CRIP2: variants seen among roughly 807,000 people sequenced by gnomAD.
The protein encoded by CRIP2 is cysteine-rich protein 2.
A neutral mutation model predicts 31.3 loss-of-function variants in CRIP2; 31 were observed. The observed-to-expected ratio is 0.99, with a 90% CI of 0.74 to 1.34. The LOEUF (loss-of-function observed/expected upper bound fraction) is 1.34, where lower values mean the gene tolerates loss of function less well. Among genes scored for constraint, CRIP2 ranks in the 40% most tolerant of loss-of-function variants. The pLI, the probability that CRIP2 is intolerant of heterozygous loss-of-function variation, is 0.00. For missense variants in CRIP2, 389 were observed against 301.6 expected (o/e 1.29, Z -2.15); for synonymous variants, 177 against 127.2 (o/e 1.39, Z -2.63).
Position 105,479,159 on chromosome 14 carries a change from C to A in CRIP2, c.441C>A (p.His147Gln), listed in dbSNP as rs782778280. 1 of 1,611,836 alleles carries A rather than the reference C, an allele frequency of 6.2e-7. No individual in the cohort carries two copies. Among genetic ancestry groups the A allele is most frequent in the South Asian group, 1.1e-5 (1 of 91,072 alleles). The change falls in exon 6 of 8, where the codon CAC (histidine) becomes CAA (glutamine). Residue 147 changes from histidine to glutamine, a missense_variant. Coordinates refer to ENST00000329146, the MANE Select transcript of CRIP2 (RefSeq NM_001312.4). ...TGACGTCTCTGGGCAAGGATTGGCA[C>A]CGGCCCTGCCTGCGCTGCGAGCGCT... ...EKVTSLGKDW[H>Q]RPCLRCERCG...
chr14:105,473,459 G>T, upstream of CRIP2: 9 of 1,535,704 alleles, frequency 5.9e-6, no homozygotes, highest in Non-Finnish European at 6.1e-6. Flanking sequence ...CAGGAGCACC[G>T]AGGGCCTCTG....
Position 105,478,428 on chromosome 14 carries a change from T to C in CRIP2, c.139-22T>C. 6.3e-7 allele frequency: 1 copy of C among 1,598,334 alleles called. No homozygotes were observed. Among genetic ancestry groups the C allele is most frequent in the South Asian group, 1.1e-5 (1 of 89,924 alleles). Reference sequence around the variant, plus strand: ...CTCCCGCCACCCTCAGGCAGGGTCCTGACCCGCGCCCCTCTGCGCAGCATG... The same window carrying C: ...CTCCCGCCACCCTCAGGCAGGGTCCCGACCCGCGCCCCTCTGCGCAGCATG... On this transcript the variant is annotated intron_variant, in intron 2 of 7. Coordinates refer to ENST00000329146, the MANE Select transcript of CRIP2 (RefSeq NM_001312.4). The surrounding 1 kb of genome is among the most constrained non-coding windows in gnomAD (Gnocchi z 4.9).
chr14:105,476,266 A>AGGCC, intron 1 of CRIP2: 2 of 985,502 alleles, frequency 2.0e-6, no homozygotes, highest in Non-Finnish European at 2.4e-6. Flanking sequence ...CAGCCCGGAA[A>AGGCC]GGCCTGCCTG....
In CRIP2 at chr14:105,479,158, ACCGGCCCTG is replaced by A; in HGVS notation, c.443_451del (p.Arg148_Cys150del). 1 of 1,611,310 alleles carries A rather than the reference ACCGGCCCTG, an allele frequency of 6.2e-7. No individual in the cohort carries two copies. The highest frequency in any genetic ancestry group is 8.5e-7 in the Non-Finnish European group (1 of 1,179,384). On this transcript the variant is annotated inframe_deletion, in exon 6 of 8. Transcript: ENST00000329146. The stretch of plus-strand genomic sequence containing the variant: ...GTGACGTCTCTGGGCAAGGATTGGC[ACCGGCCCTG>A]CCTGCGCTGCGAGCGCTGCGGGAAG...
chr14:105,477,622 T>G, intron 1 of CRIP2: 1 of 891,826 alleles, frequency 1.1e-6, no homozygotes, highest in Non-Finnish European at 1.3e-6. Context: ...GTAAGAGAAG[T>G]GTTTGAGGGA....
intron 6 of CRIP2, 48 bp from the exon 7 acceptor site, chr14:105,479,388 T>A (rs1555436803): frequency 1.2e-6 from 2 of 1,608,764 alleles, no homozygotes; most frequent in South Asian, 1.1e-5. Context: ...AGGTGATGGG[T>A]CGGGGGAGTC....
chr14:105,478,955 CGCCCT>C lies in CRIP2; in HGVS notation c.338-22_338-18del, dbSNP rs2084020188. ...GTTGTGGGCACCCCCGGCCCCGCCC[CGCCCT>C]GACTCGTGCGCCCCACAGCCTCCAG... On this transcript the variant is annotated intron_variant, in intron 4 of 7. Coordinates refer to ENST00000329146, the MANE Select transcript of CRIP2 (RefSeq NM_001312.4). This position sits in a 1 kb window ranked among gnomAD's most constrained non-coding sequence, Gnocchi z 4.9. 1 of 1,547,222 alleles carries C rather than the reference CGCCCT, an allele frequency of 6.5e-7. No individual in the cohort carries two copies. Among genetic ancestry groups the C allele is most frequent in the African/African-American group, 1.4e-5 (1 of 73,038 alleles).
Position 105,479,884 on chromosome 14 carries a change from T to C in CRIP2, c.*231T>C, listed in dbSNP as rs149070182. On this transcript the variant is annotated 3_prime_UTR_variant, in exon 8 of 8. Coordinates refer to ENST00000329146, the MANE Select transcript of CRIP2 (RefSeq NM_001312.4). Reference sequence around the variant, plus strand: ...TCCCATGATCCCTTCTGTGTCTGCGTGTCCGAATCCCCGTGTGACCCTGTC... The same window carrying C: ...TCCCATGATCCCTTCTGTGTCTGCGCGTCCGAATCCCCGTGTGACCCTGTC... 575 of 583,122 alleles carry C rather than the reference T, an allele frequency of 9.9e-4. 3 individuals carry two copies. The highest frequency in any genetic ancestry group is 9.5e-3 in the African/African-American group (510 of 53,648). The allele number at this position is 583,122 out of a possible 1,614,324, so 36.1% of individuals were successfully genotyped here.
In CRIP2 at chr14:105,478,395, G is replaced by A; in HGVS notation, c.138+35G>A. The A allele has an allele frequency of 6.3e-7, 1 of 1,576,110 alleles. No homozygotes were observed. Among genetic ancestry groups the A allele is most frequent in the East Asian group, 2.3e-5 (1 of 43,022 alleles). On this transcript the variant is annotated intron_variant, in intron 2 of 7. Coordinates refer to ENST00000329146, the MANE Select transcript of CRIP2 (RefSeq NM_001312.4). The surrounding 1 kb of genome is among the most constrained non-coding windows in gnomAD (Gnocchi z 4.9). Reference sequence around the variant, plus strand: ...ACTGCGCGGCGCGGGCGGGGGCGGGGGTCGCGACTCCCGCCACCCTCAGGC... The same window carrying A: ...ACTGCGCGGCGCGGGCGGGGGCGGGAGTCGCGACTCCCGCCACCCTCAGGC...
chr14:105,478,966 G>T lies in CRIP2; in HGVS notation c.338-13G>T, dbSNP rs1555436592. On this transcript the variant is annotated splice_polypyrimidine_tract_variant and intron_variant, in intron 4 of 7. Transcript: ENST00000329146. This position sits in a 1 kb window ranked among gnomAD's most constrained non-coding sequence, Gnocchi z 4.9. ...CCCCGGCCCCGCCCCGCCCTGACTC[G>T]TGCGCCCCACAGCCTCCAGTGTCAC... is the stretch of plus-strand genomic sequence containing the variant. The T allele has an allele frequency of 5.8e-6, 9 of 1,554,666 alleles. No individual in the cohort carries two copies. Among genetic ancestry groups the T allele is most frequent in the Non-Finnish European group, 6.9e-6 (8 of 1,155,624 alleles).
At chr14:105,479,545 C>G in intron 7 of CRIP2, 41 bp from the exon 8 acceptor site, 1 of 1,612,822 alleles carries the variant, frequency 6.2e-7, no homozygotes, top group East Asian at 2.2e-5. Flanking sequence ...CCCCTTCCCT[C>G]CACTGTTCCC....
chr14:105,479,384 T>A, intron 6 of CRIP2, 52 bp from the exon 7 acceptor site: 1 of 1,608,862 alleles, frequency 6.2e-7, no homozygotes, highest in Non-Finnish European at 8.5e-7. Flanking sequence ...CTCCAGGTGA[T>A]GGGTCGGGGG....
chr14:105,479,366 C>G, intron 6 of CRIP2, 70 bp from the exon 7 acceptor site: 1 of 1,601,938 alleles, frequency 6.2e-7, no homozygotes, highest in Non-Finnish European at 8.5e-7. Flanking sequence ...CCTGCACGTT[C>G]TGGAAGCCTC....
upstream of CRIP2, chr14:105,473,489 T>TG (rs1567058379): frequency 1.3e-6 from 2 of 1,535,388 alleles, no homozygotes; most frequent in East Asian, 4.9e-5. Flanking sequence ...CAAACATGCC[T>TG]GGTGCACCAG....
Position 105,478,970 on chromosome 14 carries a change from G to T in CRIP2, c.338-9G>T. ...GGCCCCGCCCCGCCCTGACTCGTGCGCCCCACAGCCTCCAGTGTCACCACT... is the reference window on the plus strand; with the variant it reads ...GGCCCCGCCCCGCCCTGACTCGTGCTCCCCACAGCCTCCAGTGTCACCACT... On this transcript the variant is annotated splice_polypyrimidine_tract_variant and intron_variant, in intron 4 of 7. Coordinates refer to ENST00000329146, the MANE Select transcript of CRIP2 (RefSeq NM_001312.4). This position sits in a 1 kb window ranked among gnomAD's most constrained non-coding sequence, Gnocchi z 4.9. 4 of 1,559,968 alleles carry T rather than the reference G, an allele frequency of 2.6e-6. No individual in the cohort carries two copies. The highest frequency in any genetic ancestry group is 1.4e-5 in the African/African-American group (1 of 73,426).
In CRIP2 at chr14:105,479,150, G is replaced by A. The variant is rs781972000; in HGVS notation, c.432G>A (p.Lys144=). The A allele has an allele frequency of 2.5e-6, 4 of 1,611,724 alleles. No homozygotes were observed. The highest frequency in any genetic ancestry group is 2.2e-5 in the East Asian group (1 of 44,846). The change falls in exon 6 of 8, where the codon AAG becomes AAA. Residue 144 remains lysine (K), a synonymous_variant. Transcript: ENST00000329146. The part of the protein sequence containing the change: ...YFAEKVTSLG[K]DWHRPCLRCE... ...CTGAGAAGGTGACGTCTCTGGGCAA[G>A]GATTGGCACCGGCCCTGCCTGCGCT... is the stretch of plus-strand genomic sequence containing the variant.
upstream of CRIP2, chr14:105,474,788 G>C: frequency 4.1e-6 from 5 of 1,216,378 alleles, no homozygotes; most frequent in Non-Finnish European, 5.1e-6. The surrounding 1 kb of genome is among the most constrained non-coding windows in gnomAD (Gnocchi z 5.1). Context: ...CAGCCGGGCA[G>C]GCGGGGCTGG....
intron 7 of CRIP2, 33 bp from the exon 8 acceptor site, chr14:105,479,553 C>CT (rs782583030): frequency 2.5e-6 from 4 of 1,612,634 alleles, no homozygotes; most frequent in African/African-American, 1.3e-5. Flanking sequence ...CTCCACTGTT[C>CT]CCCCGACCCA....
chr14:105,478,554 G>T lies in CRIP2; in HGVS notation c.196+47G>T. The T allele has an allele frequency of 1.3e-6, 2 of 1,579,868 alleles. No individual in the cohort carries two copies. The highest frequency in any genetic ancestry group is 1.7e-6 in the Non-Finnish European group (2 of 1,164,816). ...CCTGCCCTGGGACCTGCTGGGAGGG[G>T]CGTGGCGCTGGCGCTGGGGAGGGCT... On this transcript the variant is annotated intron_variant, in intron 3 of 7. Coordinates refer to ENST00000329146, the MANE Select transcript of CRIP2 (RefSeq NM_001312.4). This position sits in a 1 kb window ranked among gnomAD's most constrained non-coding sequence, Gnocchi z 4.9.
Sources: gnomAD v4.1 joint callset for allele counts on GRCh38, gnomAD v4.1.1 for gene constraint, Gnocchi (gnomAD v3.1) non-coding constraint, MANE v1.5 for transcripts, NCBI Gene and HGNC (gene_info 2026-07-23, HGNC 2026-07-21) for gene names.